CAMTA1: variants seen among roughly 807,000 people sequenced by gnomAD.
The protein encoded by CAMTA1 is calmodulin-binding transcription activator 1.
CAMTA1 carries 27 observed loss-of-function variants against 170.9 expected under a neutral mutation model. That is an observed-to-expected ratio of 0.16 (90% confidence interval 0.12 to 0.22). CAMTA1 has a LOEUF of 0.22. CAMTA1 is among the 10% of genes least tolerant of loss of function. The pLI is 1.00. For missense variants in CAMTA1, 1,619 were observed against 2,217.2 expected (o/e 0.73, Z 5.42); for synonymous variants, 833 against 891.5 (o/e 0.93, Z 1.17).
intron 9 of CAMTA1, among the ~76,000 whole-genome samples, chr1:7,668,896 A>G (rs546677546): frequency 4.6e-5 from 7 of 152,122 alleles, no homozygotes; most frequent in South Asian, 2.1e-4. Context: ...ACTTCCCAGG[A>G]TCCTGGGGGA....
chr1:7,736,324 C>A lies in CAMTA1; in HGVS notation c.3067-20C>A. 1 of 1,610,452 alleles carries A rather than the reference C, an allele frequency of 6.2e-7. No homozygotes were observed. Among genetic ancestry groups the A allele is most frequent in the Non-Finnish European group, 8.5e-7 (1 of 1,177,964 alleles). On this transcript the variant is annotated intron_variant, in intron 12 of 22. Coordinates refer to ENST00000303635, the MANE Select transcript of CAMTA1 (RefSeq NM_015215.4). This position sits in a 1 kb window ranked among gnomAD's most constrained non-coding sequence, Gnocchi z 4.5. ...AGGGCCTTTAGTCCTGAGGTCGTAA[C>A]GTGCGCTTTTTTGTGACAGTGTGCT...
Position 7,325,339 on chromosome 1 carries a change from T to A in CAMTA1, c.438+75713T>A, listed in dbSNP as rs1467314860. On this transcript the variant is annotated intron_variant, in intron 5 of 22. Coordinates refer to ENST00000303635, the MANE Select transcript of CAMTA1 (RefSeq NM_015215.4). The surrounding 1 kb of genome is among the most constrained non-coding windows in gnomAD (Gnocchi z 5.0). ...CAAATGGCAGTTTTCTGTGGAGTGC[T>A]CAGGGGCGGCCTTGAATGGAGGCTG... Among the ~76,000 whole-genome samples, 1 of 152,200 alleles carries A rather than the reference T, an allele frequency of 6.6e-6. No homozygotes were observed. The highest frequency in any genetic ancestry group is 2.4e-5 in the African/African-American group (1 of 41,452).
rs1273033743 is a variant in CAMTA1, at chr1:6,970,514, G to T, written c.235-120790G>T. Among the ~76,000 whole-genome samples, 6 of 152,198 alleles carry T rather than the reference G, an allele frequency of 3.9e-5. No homozygotes were observed. Among genetic ancestry groups the T allele is most frequent in the Admixed American group, 3.9e-4 (6 of 15,298 alleles). ...GCCAGGGACTCTCGGCTTGGAGGGG[G>T]TCACTCCAAGGGCCTGGCAAAGGAT... On this transcript the variant is annotated intron_variant, in intron 3 of 22. Coordinates refer to ENST00000303635, the MANE Select transcript of CAMTA1 (RefSeq NM_015215.4). The surrounding 1 kb of genome is among the most constrained non-coding windows in gnomAD (Gnocchi z 4.4).
chr1:7,484,645 C>T (rs916523413), intron 6 of CAMTA1, among the ~76,000 whole-genome samples: 2 of 152,098 alleles, frequency 1.3e-5, no homozygotes, highest in Admixed American at 1.3e-4. Flanking sequence ...AAAAATTAGC[C>T]AGGCATGGTG....
At chr1:7,606,819 A>AGG (rs2095489922) in intron 6 of CAMTA1, among the ~76,000 whole-genome samples, 1 of 152,174 alleles carries the variant, frequency 6.6e-6, no homozygotes, top group Non-Finnish European at 1.5e-5. Context: ...CATCAGGGTG[A>AGG]GGAGGGGTTT....
At chr1:7,530,613 C>A (rs915651082) in intron 6 of CAMTA1, among the ~76,000 whole-genome samples, 13 of 152,098 alleles carry the variant, frequency 8.5e-5, no homozygotes, top group African/African-American at 2.9e-4. Flanking sequence ...GGTGAAAAAA[C>A]CAGGATTCAA....
At position 7,736,091 on chromosome 1, in the gene CAMTA1, T is replaced by C. The variant is rs1056445117; in HGVS notation, c.3067-253T>C. On this transcript the variant is annotated intron_variant, in intron 12 of 22. Coordinates refer to ENST00000303635, the MANE Select transcript of CAMTA1 (RefSeq NM_015215.4). This position sits in a 1 kb window ranked among gnomAD's most constrained non-coding sequence, Gnocchi z 4.5. ...TGCGCAGCCTAAATTTTGTACTTTT[T>C]GTAGAGACAGGGTCTCACCATGTTG... is the stretch of plus-strand genomic sequence containing the variant. Among the ~76,000 whole-genome samples, 1 of 152,022 alleles carries C rather than the reference T, an allele frequency of 6.6e-6. No homozygotes were observed. The highest frequency in any genetic ancestry group is 2.4e-5 in the African/African-American group (1 of 41,382).
Position 6,973,457 on chromosome 1 carries a change from CCTT to C in CAMTA1, c.235-117843_235-117841del, listed in dbSNP as rs570489054. 2.6e-3 allele frequency among the ~76,000 whole-genome samples: 399 copies of C among 152,316 alleles called. 5 individuals carry two copies. Among genetic ancestry groups the C allele is most frequent in the African/African-American group, 9.2e-3 (383 of 41,576 alleles). ...CATGTTGTCACATGCTGCAAGATCT[CCTT>C]CTTTTTGAAGGCTGAATAATATTCT... On this transcript the variant is annotated intron_variant, in intron 3 of 22. Transcript: ENST00000303635.
At chr1:7,135,959 G>A (rs1343575824) in intron 4 of CAMTA1, among the ~76,000 whole-genome samples, 3 of 152,134 alleles carry the variant, frequency 2.0e-5, no homozygotes, top group African/African-American at 4.8e-5. Flanking sequence ...GTACTTACCT[G>A]GCTATACCCC....
chr1:6,934,285 A>G lies in CAMTA1; in HGVS notation c.234+109075A>G, dbSNP rs1321638321. On this transcript the variant is annotated intron_variant, in intron 3 of 22. Transcript: ENST00000303635. The surrounding 1 kb of genome is among the most constrained non-coding windows in gnomAD (Gnocchi z 4.5). ...GAAATGTGGACCGGAAGGATGAGGC[A>G]TGCTCCCGGAAGTTAGCATCGCTCA... Among the ~76,000 whole-genome samples, 1 of 152,174 alleles carries G rather than the reference A, an allele frequency of 6.6e-6. No individual in the cohort carries two copies. Among genetic ancestry groups the G allele is most frequent in the Non-Finnish European group, 1.5e-5 (1 of 68,012 alleles).
intron 5 of CAMTA1, among the ~76,000 whole-genome samples, chr1:7,305,861 G>A (rs1025348813): frequency 6.6e-5 from 10 of 151,990 alleles, no homozygotes; most frequent in Non-Finnish European, 4.4e-5. Context: ...TTTAATAGGC[G>A]TGTACTGGTA....
chr1:7,091,462 C>A, intron 4 of CAMTA1, 91 bp downstream of exon 4: 1 of 974,644 alleles, frequency 1.0e-6, no homozygotes, highest in Non-Finnish European at 1.7e-6. Context: ...AATTCATGGG[C>A]AACGAGTTGA....
chr1:7,006,885 T>G (rs1461219454), intron 3 of CAMTA1, among the ~76,000 whole-genome samples: 1 of 152,120 alleles, frequency 6.6e-6, no homozygotes, highest in Non-Finnish European at 1.5e-5. Context: ...CTAGAGTTCT[T>G]TTTTTCCCGG....
chr1:7,284,168 CTTCTTCTTCTTATTATTATTATTA>C lies in CAMTA1; in HGVS notation c.438+34545_438+34568del, dbSNP rs1440846122. ...TCTTCTTCTTCTTCTTCTTCTTCTTCTTCTTCTTCTTATTATTATTATTATTATTATTATTATTATTATTATTAT... is the reference window on the plus strand; with the variant it reads ...TCTTCTTCTTCTTCTTCTTCTTCTTCTTATTATTATTATTATTATTATTAT... On this transcript the variant is annotated intron_variant, in intron 5 of 22. Transcript: ENST00000303635. 2.0e-3 allele frequency among the ~76,000 whole-genome samples: 236 copies of C among 117,014 alleles called. 1 individual carries two copies. The highest frequency in any genetic ancestry group is 7.7e-3 in the African/African-American group (221 of 28,800). 76.8% of individuals were successfully genotyped at this position (117,014 alleles called of 152,430 possible). A position where few individuals can be genotyped will look rare whatever the true frequency, so the allele number is the denominator to read the frequency against.
Position 6,799,209 on chromosome 1 carries a change from G to A in CAMTA1, c.45+13634G>A, listed in dbSNP as rs1468938739. On this transcript the variant is annotated intron_variant, in intron 1 of 22. Coordinates refer to ENST00000303635, the MANE Select transcript of CAMTA1 (RefSeq NM_015215.4). Reference sequence around the variant, plus strand: ...CAGCCTCCTGAGTAGTGAGGACTACGGGCGTGTGCCACCACACCCGGCTAA... The same window carrying A: ...CAGCCTCCTGAGTAGTGAGGACTACAGGCGTGTGCCACCACACCCGGCTAA... Among the ~76,000 whole-genome samples the A allele has an allele frequency of 2.6e-5, 4 of 152,118 alleles. No homozygotes were observed. The East Asian group carries it at 7.8e-4, about 29-fold the overall frequency.
At chr1:7,168,033 G>C (rs1419995703) in intron 4 of CAMTA1, among the ~76,000 whole-genome samples, 2 of 152,242 alleles carry the variant, frequency 1.3e-5, no homozygotes, top group Admixed American at 6.5e-5. Context: ...ACTGTACCCA[G>C]CTGAGTTTTC....
intron 3 of CAMTA1, chr1:6,886,351 T>C: frequency 2.3e-6 from 1 of 442,894 alleles, no homozygotes; most frequent in Non-Finnish European, 4.5e-6. Flanking sequence ...AAAAATGTAA[T>C]TGACATTTGA....
intron 4 of CAMTA1, among the ~76,000 whole-genome samples, chr1:7,236,675 G>A (rs905284150): frequency 6.6e-6 from 1 of 152,202 alleles, no homozygotes; most frequent in Admixed American, 6.5e-5. Context: ...TGGAACATGG[G>A]TGTAAAGGGC....
Position 7,216,098 on chromosome 1 carries a change from T to A in CAMTA1, c.303-33393T>A, listed in dbSNP as rs959896244. Among the ~76,000 whole-genome samples the A allele has an allele frequency of 6.6e-6, 1 of 152,196 alleles. No individual in the cohort carries two copies. Among genetic ancestry groups the A allele is most frequent in the Non-Finnish European group, 1.5e-5 (1 of 68,028 alleles). ...GGAGACCTCAGGAAACTTACAATCA[T>A]GGCAGAAGGCGAAGGGGAAGCCCGC... On this transcript the variant is annotated intron_variant, in intron 4 of 22. Transcript: ENST00000303635. The surrounding 1 kb of genome is among the most constrained non-coding windows in gnomAD (Gnocchi z 4.0).
Sources: allele counts gnomAD v4.1 joint callset (sites outside exome capture counted in the v4.1 genomes callset), GRCh38; gene constraint gnomAD v4.1.1; non-coding constraint Gnocchi (gnomAD v3.1); transcripts MANE v1.5; gene names NCBI Gene and HGNC (gene_info 2026-07-23, HGNC 2026-07-21).